The following SMG1 variants were observed in gnomAD, a reference collection of about 807,000 sequenced individuals.
SMG1 encodes the protein serine/threonine-protein kinase SMG1.
Under a neutral mutation model 419.9 loss-of-function variants are expected in SMG1, and 22 were observed. That is an observed-to-expected ratio of 0.05 (90% confidence interval 0.04 to 0.07). SMG1 has a LOEUF of 0.07. SMG1 is among the 10% of genes least tolerant of loss of function. The pLI, the probability that SMG1 is intolerant of heterozygous loss-of-function variation, is 1.00. For missense variants in SMG1, 3,185 were observed against 4,342.0 expected, an observed-to-expected ratio of 0.73 and a Z score of 7.49; for synonymous variants, 1,538 against 1,553.5, an observed-to-expected ratio of 0.99 and a Z score of 0.23.
chr16:18,876,371 A>G lies in SMG1; in HGVS notation c.1643T>C (p.Val548Ala). 6.2e-7 allele frequency: 1 copy of G among 1,610,288 alleles called. No individual in the cohort carries two copies. The highest frequency in any genetic ancestry group is 8.5e-7 in the Non-Finnish European group (1 of 1,178,816). ...CTTCAAGCTGAGCACTGCTTGATAA[A>G]CAGCATGGGCTACAGCAACAACCTG... ...EKEVVAVAHA[V>A]YQAVLSLKNI... is the part of the protein sequence containing the mutation. The change falls in exon 13 of 63, where the codon GTT becomes GCT. Residue 548 changes from valine (V) to alanine (A), a missense_variant. Physicochemically the swap from Val to Ala is moderately conservative, Grantham distance 64. Coordinates refer to ENST00000446231, the MANE Select transcript of SMG1 (RefSeq NM_015092.5).
At chr16:18,851,762 C>T (rs1846696) in intron 33 of SMG1, among the ~76,000 whole-genome samples, 1,832 of 152,146 alleles carry the variant, frequency 0.012, 70 homozygotes, top group East Asian at 0.088. Flanking sequence ...AGGCTGGTCT[C>T]GAACTCCTGA....
rs765093513 is a variant in SMG1, at chr16:18,829,505, G to A, written c.9384C>T (p.Ala3128=). The A allele has an allele frequency of 1.5e-5, 25 of 1,613,736 alleles. No individual in the cohort carries two copies. The highest frequency in any genetic ancestry group is 1.6e-4 in the Middle Eastern group (1 of 6,084). The change falls in exon 54 of 63, where the codon GCC becomes GCT. Residue 3128 remains alanine, a synonymous_variant. Transcript: ENST00000446231. ...IAQVEAKDFG[A]ESKVSVDDLC... ...GATCATCAACAGAAACTTTGCTTTCGGCACCAAAGTCCTTTGCCTCTACTT... is the reference window on the plus strand; with the variant it reads ...GATCATCAACAGAAACTTTGCTTTCAGCACCAAAGTCCTTTGCCTCTACTT...
intron 1 of SMG1, among the ~76,000 whole-genome samples, chr16:18,901,558 A>G (rs1039917437): frequency 2.0e-5 from 3 of 152,182 alleles, no homozygotes; most frequent in African/African-American, 7.2e-5. Flanking sequence ...GCCAATATAG[A>G]CTGATAAGAT....
rs1275230520 is a variant in SMG1 at position 18,830,464 on chromosome 16, G to A, written c.8793-95C>T. On this transcript the variant is annotated intron_variant, in intron 51 of 62. Transcript: ENST00000446231. ...AGTACATCTCACAGCTGCATGCTGT[G>A]AGAGTCTAGAAAGCCTTCTGGCATT... The A allele has an allele frequency of 4.4e-6, 6 of 1,369,646 alleles. No individual in the cohort carries two copies. In the East Asian group the frequency reaches 1.4e-4, roughly 32 times the overall value. The allele number at this position is 1,369,646 out of a possible 1,614,324, so 84.8% of individuals were successfully genotyped here.
At chr16:18,888,194 GT>G (rs1414068502) in intron 6 of SMG1, among the ~76,000 whole-genome samples, 2 of 143,250 alleles carry the variant, frequency 1.4e-5, no homozygotes, top group Non-Finnish European at 3.1e-5. Context: ...AAGGAATGAT[GT>G]TCTAATATAT....
chr16:18,850,260 A>C lies in SMG1; in HGVS notation c.5260T>G (p.Phe1754Val). ...YKLSCSAYFT[F>V]LKLNAGQIPL... ...ACTTGACCAGCGTTGAGTTTAAGGA[A>C]AGTAAAGTATGCACTGCAAGAGAGT... The change falls in exon 34 of 63, where the codon TTC becomes GTC. Residue 1754 changes from phenylalanine (F) to valine (V), a missense_variant. By Grantham distance (50) the Phe-to-Val change is conservative (BLOSUM62 -1). Transcript: ENST00000446231. The C allele has an allele frequency of 6.2e-7, 1 of 1,611,996 alleles. No individual in the cohort carries two copies. The highest frequency in any genetic ancestry group is 8.5e-7 in the Non-Finnish European group (1 of 1,178,700).
rs534617770 is a variant in SMG1, at chr16:18,828,930, G to A, written c.9603+356C>T. Among the ~76,000 whole-genome samples, 70 of 152,150 alleles carry A rather than the reference G, an allele frequency of 4.6e-4. 1 individual carries two copies. Among genetic ancestry groups the A allele is most frequent in the African/African-American group, 1.0e-3 (43 of 41,526 alleles). Reference sequence around the variant, plus strand: ...GGAGAATCGCTTGAACCCAGGAGGCGGAGGTTGCGGTGAGCCGAGATCGCG... The same window carrying A: ...GGAGAATCGCTTGAACCCAGGAGGCAGAGGTTGCGGTGAGCCGAGATCGCG... On this transcript the variant is annotated intron_variant, in intron 54 of 62. Transcript: ENST00000446231.
intron 46 of SMG1, among the ~76,000 whole-genome samples, chr16:18,836,821 T>C (rs564314167): frequency 3.9e-5 from 6 of 152,218 alleles, no homozygotes; most frequent in Admixed American, 6.5e-5. Flanking sequence ...CACACAATGC[T>C]TGACACTTTC....
intron 1 of SMG1, among the ~76,000 whole-genome samples, chr16:18,917,564 G>T (rs965682810): frequency 6.6e-6 from 1 of 151,440 alleles, no homozygotes; most frequent in Non-Finnish European, 1.5e-5. Flanking sequence ...ATGCATGCAC[G>T]CACTCTAACA....
At chr16:18,813,470 T>G (rs998605812) in intron 60 of SMG1, among the ~76,000 whole-genome samples, 3 of 152,358 alleles carry the variant, frequency 2.0e-5, no homozygotes, top group African/African-American at 7.2e-5. Flanking sequence ...AATGTCTTCT[T>G]TTGAGAAGTG....
chr16:18,907,990 T>C (rs867837879), intron 1 of SMG1, among the ~76,000 whole-genome samples: 1 of 151,968 alleles, frequency 6.6e-6, no homozygotes, highest in African/African-American at 2.4e-5. Context: ...AGGAAATATC[T>C]TACTCTATGA....
chr16:18,850,082 T>C lies in SMG1; in HGVS notation c.5328A>G (p.Arg1776=). The part of the protein sequence containing the change: ...EDDPRLHLSH[R]VEQSTDDMIV... ...TCATGTCATCAGTGCTCTGTTCCAC[T>C]CTGTGACTTAAATGCAGCCTAGGGT... Residue 1776 remains arginine, a synonymous_variant, in exon 35 of 63, where the codon AGA becomes AGG. Coordinates refer to ENST00000446231, the MANE Select transcript of SMG1 (RefSeq NM_015092.5). The C allele has an allele frequency of 1.2e-6, 2 of 1,613,986 alleles. No homozygotes were observed. Among genetic ancestry groups the C allele is most frequent in the South Asian group, 1.1e-5 (1 of 91,082 alleles).
intron 7 of SMG1, 121 bp downstream of exon 7, chr16:18,885,420 C>CA: frequency 7.7e-7 from 1 of 1,295,900 alleles, no homozygotes; most frequent in Non-Finnish European, 1.1e-6. Context: ...CCTGGAACCT[C>CA]AAATATCACT....
At chr16:18,835,225 T>C in intron 48 of SMG1, 61 bp from the exon 49 acceptor site, 3 of 1,487,252 alleles carry the variant, frequency 2.0e-6, no homozygotes, top group South Asian at 2.5e-5. Context: ...TACAAAAGAA[T>C]ATTGCATTTA....
intron 5 of SMG1, among the ~76,000 whole-genome samples, chr16:18,889,825 A>T (rs1169287826): frequency 6.6e-6 from 1 of 152,244 alleles, no homozygotes; most frequent in Admixed American, 6.5e-5. Context: ...ACAAACAGTG[A>T]GGGAAGGCCC....
Position 18,842,039 on chromosome 16 carries a change from G to A in SMG1, c.6466+169C>T, listed in dbSNP as rs144671000. Among the ~76,000 whole-genome samples, 419 of 152,202 alleles carry A rather than the reference G, an allele frequency of 2.8e-3. 1 individual carries two copies. Among genetic ancestry groups the A allele is most frequent in the African/African-American group, 9.3e-3 (386 of 41,518 alleles). ...TGGGGGTGGAAAATCTTTCTGCACG[G>A]CATCCAATCACTGCCGTTCAAAAGC... On this transcript the variant is annotated intron_variant, in intron 40 of 62. Coordinates refer to ENST00000446231, the MANE Select transcript of SMG1 (RefSeq NM_015092.5).
intron 9 of SMG1, among the ~76,000 whole-genome samples, chr16:18,883,809 C>T (rs1441243439): frequency 6.6e-6 from 1 of 151,560 alleles, no homozygotes; most frequent in Non-Finnish European, 1.5e-5. Context: ...ATTCCAGCTA[C>T]TCGGGAGGCT....
chr16:18,919,634 ATGTGT>A (rs1308898311), intron 1 of SMG1, among the ~76,000 whole-genome samples: 1 of 124,570 alleles, frequency 8.0e-6, no homozygotes, highest in African/African-American at 2.9e-5. Context: ...AAAAAAAAAA[ATGTGT>A]GTGTGTGTGT....
intron 6 of SMG1, among the ~76,000 whole-genome samples, chr16:18,887,031 T>A (rs141554946): frequency 1.3e-5 from 2 of 152,180 alleles, no homozygotes; most frequent in African/African-American, 4.8e-5. Flanking sequence ...TAAAACATTA[T>A]GGGGTGAACT....
Sources: allele counts gnomAD v4.1 joint callset (sites outside exome capture counted in the v4.1 genomes callset), GRCh38; gene constraint gnomAD v4.1.1; transcripts MANE v1.5; gene names NCBI Gene and HGNC (gene_info 2026-07-23, HGNC 2026-07-21).